The following USP28 variants were observed in gnomAD, a reference collection of about 807,000 sequenced individuals.
The protein encoded by USP28 is ubiquitin specific peptidase 28, also known as ubiquitin carboxyl-terminal hydrolase 28.
A neutral mutation model predicts 145.0 loss-of-function variants in USP28; 113 were observed. The observed-to-expected ratio is 0.78, with a 90% CI of 0.67 to 0.91. The LOEUF is 0.91. Ranked by LOEUF, USP28 falls within the 40% of genes least tolerant of loss-of-function variation. The probability of loss-of-function intolerance (pLI) is 0.00; values close to 1 mark genes in which losing one functional copy is unlikely to be tolerated. For synonymous variants in USP28, 447 were observed against 450.9 expected (o/e 0.99, Z 0.11); for missense variants, 1,201 against 1,289.6 (o/e 0.93, Z 1.05).
intron 7 of USP28, among the ~76,000 whole-genome samples, chr11:113,833,175 T>C (rs908301546): frequency 6.6e-6 from 1 of 152,146 alleles, no homozygotes; most frequent in African/African-American, 2.4e-5. Flanking sequence ...AATTCTACAT[T>C]CTTTCTACTA....
chr11:113,812,247 A>G (rs1941104461), intron 16 of USP28, 29 bp downstream of exon 16: 4 of 1,586,058 alleles, frequency 2.5e-6, no homozygotes, highest in East Asian at 2.2e-5. Context: ...ATTTTCCCCA[A>G]TCTATAGATT....
intron 3 of USP28, among the ~76,000 whole-genome samples, chr11:113,843,487 C>T (rs1471605523): frequency 6.6e-6 from 1 of 151,804 alleles, no homozygotes; most frequent in Non-Finnish European, 1.5e-5. Context: ...GCCTGACCAA[C>T]AAGGATAAAC....
chr11:113,846,824 G>T (rs1307196965), intron 3 of USP28, among the ~76,000 whole-genome samples: 1 of 152,064 alleles, frequency 6.6e-6, no homozygotes, highest in African/African-American at 2.4e-5. Context: ...GTGAAACCCA[G>T]TCTCTACCAA....
chr11:113,823,274 G>A (rs1490193910), intron 12 of USP28, among the ~76,000 whole-genome samples: 2 of 152,112 alleles, frequency 1.3e-5, no homozygotes, highest in Non-Finnish European at 1.5e-5. Context: ...CGGGACCATC[G>A]TGACACTTGC....
chr11:113,803,996 T>TA, intron 21 of USP28, 119 bp from the exon 23 acceptor site: 1 of 814,200 alleles, frequency 1.2e-6, no homozygotes, highest in South Asian at 1.9e-5. Context: ...GCCACAAAAA[T>TA]AACAAACAAA....
chr11:113,804,092 G>A (rs1939522506), intron 21 of USP28, among the ~76,000 whole-genome samples: 1 of 152,156 alleles, frequency 6.6e-6, no homozygotes. Flanking sequence ...TTTCACTTGA[G>A]TAACAGAAGT....
intron 1 of USP28, among the ~76,000 whole-genome samples, chr11:113,873,852 G>A (rs966354304): frequency 6.6e-6 from 1 of 152,164 alleles, no homozygotes; most frequent in African/African-American, 2.4e-5. Flanking sequence ...GTTTTAAAAA[G>A]CGCATCCAGG....
intron 1 of USP28, among the ~76,000 whole-genome samples, chr11:113,866,750 G>C (rs892153721): frequency 6.6e-6 from 1 of 152,162 alleles, no homozygotes; most frequent in East Asian, 1.9e-4. Context: ...AGTTCCTCAA[G>C]AAGTTAAACA....
At chr11:113,874,806 T>C in intron 1 of USP28, 1 of 1,085,720 alleles carries the variant, frequency 9.2e-7, no homozygotes, top group Non-Finnish European at 1.1e-6. Flanking sequence ...TCAATCTTCT[T>C]AGACATTGGG....
At chr11:113,833,156 C>T (rs1439763327) in intron 7 of USP28, among the ~76,000 whole-genome samples, 1 of 152,154 alleles carries the variant, frequency 6.6e-6, no homozygotes, top group Non-Finnish European at 1.5e-5. Flanking sequence ...ACATCAATAG[C>T]CCCGGTATAA....
chr11:113,843,648 G>A (rs1261694692), intron 3 of USP28, among the ~76,000 whole-genome samples: 17 of 135,540 alleles, frequency 1.3e-4, no homozygotes, highest in African/African-American at 4.8e-4. Context: ...TCCAGCCTGG[G>A]CAACAAGAGC....
chr11:113,823,479 T>G lies in USP28; in HGVS notation c.1283+126A>C, dbSNP rs774094570. ...ACTGCTTCACACTTAGACAAAAAATTTTCTTAGCTGTTTTATAAAATATTC... is the reference window on the plus strand; with the variant it reads ...ACTGCTTCACACTTAGACAAAAAATGTTCTTAGCTGTTTTATAAAATATTC... On this transcript the variant is annotated intron_variant, in intron 12 of 24. Transcript: ENST00000003302. The G allele has an allele frequency of 3.8e-4, 293 of 768,366 alleles. 3 individuals are homozygous for G. Among genetic ancestry groups the G allele is most frequent in the Non-Finnish European group, 5.4e-4 (265 of 492,208 alleles). The allele number at this position is 768,366 out of a possible 1,614,324, so 47.6% of individuals were successfully genotyped here.
At chr11:113,867,456 C>T (rs1471045537) in intron 1 of USP28, among the ~76,000 whole-genome samples, 5 of 151,874 alleles carry the variant, frequency 3.3e-5, no homozygotes, top group African/African-American at 4.8e-5. Flanking sequence ...TTAGTAGAGA[C>T]GGGGCTTCAC....
At chr11:113,867,832 AGGAAGAAAG>A (rs1287484911) in intron 1 of USP28, among the ~76,000 whole-genome samples, 1 of 117,028 alleles carries the variant, frequency 8.5e-6, no homozygotes, top group African/African-American at 3.3e-5. Flanking sequence ...GAAGGGAGGG[AGGAAGAAAG>A]GGAGGAAGGG....
At chr11:113,873,716 G>T (rs1949046255) in intron 1 of USP28, among the ~76,000 whole-genome samples, 1 of 152,010 alleles carries the variant, frequency 6.6e-6, no homozygotes, top group East Asian at 1.9e-4. Flanking sequence ...GACCTCTGAA[G>T]CCAGAGAAAA....
At chr11:113,822,430 C>T (rs995694557) in intron 12 of USP28, 3 of 149,648 alleles carry the variant, frequency 2.0e-5, no homozygotes, top group Non-Finnish European at 4.4e-5. Context: ...GCCTGGAAAA[C>T]AAAGCGACAC....
At chr11:113,812,919 C>A (rs192398672) in intron 15 of USP28, among the ~76,000 whole-genome samples, 1 of 152,300 alleles carries the variant, frequency 6.6e-6, no homozygotes, top group African/African-American at 2.4e-5. Flanking sequence ...TATTTGGCAA[C>A]AAAATTTAAG....
In USP28 at chr11:113,812,509, A is replaced by G; in HGVS notation, c.1744-5T>C. ...TGCATGCAAGCGATAAGGCACCTGT[A>G]AGTCAGAATGTACATTCCCCAGTCA... is the stretch of plus-strand genomic sequence containing the variant. On this transcript the variant is annotated splice_polypyrimidine_tract_variant and splice_region_variant and intron_variant, in intron 15 of 24. Coordinates refer to ENST00000003302, the Ensembl canonical transcript of USP28. 1 of 1,611,626 alleles carries G rather than the reference A, an allele frequency of 6.2e-7. No individual in the cohort carries two copies. Among genetic ancestry groups the G allele is most frequent in the Admixed American group, 1.7e-5 (1 of 59,946 alleles).
intron 14 of USP28, among the ~76,000 whole-genome samples, chr11:113,814,886 TAAA>T (rs11330248): frequency 2.9e-5 from 4 of 139,834 alleles, no homozygotes; most frequent in African/African-American, 7.9e-5. Flanking sequence ...CCATCTCTAC[TAAA>T]AAAAAAAAAA....
Sources: gnomAD v4.1 joint callset for allele counts (sites outside exome capture counted in the v4.1 genomes callset) on GRCh38, gnomAD v4.1.1 for gene constraint, MANE v1.5 for transcripts, NCBI Gene and HGNC (gene_info 2026-07-23, HGNC 2026-07-21) for gene names.